Variants in SGCZ observed in about 807,000 individuals in gnomAD.
SGCZ encodes the protein sarcoglycan zeta, also known as zeta-sarcoglycan.
A neutral mutation model predicts 41.3 loss-of-function variants in SGCZ; 40 were observed. The observed-to-expected ratio is 0.97, with a 90% CI of 0.75 to 1.26. The LOEUF is 1.26. SGCZ is among the 50% of genes most tolerant of loss of function. The pLI is 0.00. For synonymous variants in SGCZ, 206 were observed against 137.5 expected, an observed-to-expected ratio of 1.50 and a Z score of -3.49; for missense variants, 552 against 369.8, an observed-to-expected ratio of 1.49 and a Z score of -4.04.
At chr8:14,284,765 T>G (rs1800567393) in intron 3 of SGCZ, among the ~76,000 whole-genome samples, 1 of 152,180 alleles carries the variant, frequency 6.6e-6, no homozygotes, top group Non-Finnish European at 1.5e-5. Context: ...GAGTGCATAT[T>G]TGGTCCTAAG....
At chr8:14,175,064 G>T (rs1158642761) in intron 4 of SGCZ, among the ~76,000 whole-genome samples, 1 of 152,086 alleles carries the variant, frequency 6.6e-6, no homozygotes, top group African/African-American at 2.4e-5. Context: ...GGTACTGAAG[G>T]TTAAGACTTC....
intron 2 of SGCZ, among the ~76,000 whole-genome samples, chr8:14,438,744 T>C (rs760741791): frequency 7.9e-5 from 12 of 152,022 alleles, no homozygotes; most frequent in Non-Finnish European, 1.3e-4. Context: ...ATCTGAGAAA[T>C]AGCTTAAAAT....
chr8:14,581,384 G>C (rs1273101813), intron 1 of SGCZ, among the ~76,000 whole-genome samples: 1 of 152,160 alleles, frequency 6.6e-6, no homozygotes, highest in East Asian at 1.9e-4. Context: ...TGGGAATACA[G>C]GCATGAGCCA....
chr8:14,807,930 A>G (rs1228918239), intron 1 of SGCZ, among the ~76,000 whole-genome samples: 1 of 151,922 alleles, frequency 6.6e-6, no homozygotes, highest in Non-Finnish European at 1.5e-5. Context: ...AACGCCGCAT[A>G]TCTACAACTA....
At chr8:14,929,510 C>T (rs1349194498) in intron 1 of SGCZ, among the ~76,000 whole-genome samples, 5 of 150,950 alleles carry the variant, frequency 3.3e-5, no homozygotes, top group East Asian at 1.9e-4. Flanking sequence ...CTGAGGCTGA[C>T]GCAGCCTAAC....
intron 2 of SGCZ, among the ~76,000 whole-genome samples, chr8:14,398,964 A>AATATTCC (rs1798996023): frequency 6.6e-6 from 1 of 152,092 alleles, no homozygotes; most frequent in East Asian, 1.9e-4. Context: ...AATTTCAACA[A>AATATTCC]GTGTAAATGT....
intron 2 of SGCZ, among the ~76,000 whole-genome samples, chr8:14,547,362 G>C (rs1280804965): frequency 1.3e-5 from 2 of 152,274 alleles, no homozygotes; most frequent in East Asian, 1.9e-4. Context: ...AATCTGCTTA[G>C]TGTCATCAAA....
chr8:14,102,322 T>C, intron 7 of SGCZ, 54 bp downstream of exon 7: 3 of 1,351,982 alleles, frequency 2.2e-6, no homozygotes, highest in Non-Finnish European at 2.9e-6. Context: ...ATCTAAATAC[T>C]TGTGTTTTCA....
At chr8:14,844,130 T>G (rs1176400941) in intron 1 of SGCZ, among the ~76,000 whole-genome samples, 2 of 152,040 alleles carry the variant, frequency 1.3e-5, no homozygotes, top group Admixed American at 1.3e-4. Flanking sequence ...GTACCAAAAT[T>G]CACAAACACT....
Position 14,554,683 on chromosome 8 carries a change from T to C in SGCZ, c.234+49A>G, listed in dbSNP as rs1235387156. 4.7e-6 allele frequency: 7 copies of C among 1,482,298 alleles called. No individual in the cohort carries two copies. In the African/African-American group the frequency reaches 5.6e-5, roughly 12 times the overall value. The allele number at this position is 1,482,298 out of a possible 1,614,324, so 91.8% of individuals were successfully genotyped here. A position where few individuals can be genotyped will look rare whatever the true frequency, so the allele number is the denominator to read the frequency against. ...AAAAAATTAAAGTAACAGAGCTAGA[T>C]TGTCTCTGAACCAAGAGCAATAAGA... is the stretch of plus-strand genomic sequence containing the variant. On this transcript the variant is annotated intron_variant, in intron 2 of 7. Transcript: ENST00000382080.
chr8:14,909,391 G>A (rs1398080310), intron 1 of SGCZ, among the ~76,000 whole-genome samples: 1 of 151,778 alleles, frequency 6.6e-6, no homozygotes, highest in Non-Finnish European at 1.5e-5. Flanking sequence ...AATTAATTTC[G>A]TGTTTTAACG....
intron 7 of SGCZ, among the ~76,000 whole-genome samples, chr8:14,095,598 T>A (rs1480030894): frequency 3.9e-5 from 6 of 152,206 alleles, no homozygotes; most frequent in Admixed American, 3.9e-4. Flanking sequence ...TCTTTTTTGC[T>A]TCCATATGAA....
chr8:14,843,881 A>G (rs140784764), intron 1 of SGCZ, among the ~76,000 whole-genome samples: 37 of 152,104 alleles, frequency 2.4e-4, no homozygotes, highest in African/African-American at 7.0e-4. Flanking sequence ...GTTCAAGAGA[A>G]GGCCACCCAA....
intron 4 of SGCZ, among the ~76,000 whole-genome samples, chr8:14,183,942 C>T (rs1347244718): frequency 6.6e-6 from 1 of 152,020 alleles, no homozygotes; most frequent in African/African-American, 2.4e-5. Flanking sequence ...AAAGAATCCA[C>T]AAAGAAATAC....
chr8:14,085,728 T>A lies in SGCZ; in HGVS notation c.*4715A>T, dbSNP rs1160888798. The stretch of plus-strand genomic sequence containing the variant: ...AATACCAAGGAGTTTGTTATGCATG[T>A]ATAAAAGAAAAGTGGACCACACTAA... On this transcript the variant is annotated 3_prime_UTR_variant, in exon 8 of 8. Transcript: ENST00000382080. Among the ~76,000 whole-genome samples, 1 of 151,774 alleles carries A rather than the reference T, an allele frequency of 6.6e-6. No homozygotes were observed. The highest frequency in any genetic ancestry group is 1.5e-5 in the Non-Finnish European group (1 of 67,792).
intron 2 of SGCZ, among the ~76,000 whole-genome samples, chr8:14,350,565 G>C (rs1803053319): frequency 1.3e-5 from 2 of 152,048 alleles, no homozygotes; most frequent in Non-Finnish European, 2.9e-5. Flanking sequence ...TGTGCACCCA[G>C]TGACCGGTAC....
intron 1 of SGCZ, among the ~76,000 whole-genome samples, chr8:14,659,210 G>A (rs549868802): frequency 1.7e-4 from 26 of 152,216 alleles, no homozygotes; most frequent in Admixed American, 8.5e-4. Flanking sequence ...TAGTAACAAC[G>A]TAGTATATAC....
intron 2 of SGCZ, among the ~76,000 whole-genome samples, chr8:14,411,850 C>T (rs573812733): frequency 1.3e-5 from 2 of 152,146 alleles, no homozygotes; most frequent in Middle Eastern, 3.4e-3. Context: ...AAAAACACTT[C>T]CAAACATTTC....
intron 5 of SGCZ, among the ~76,000 whole-genome samples, chr8:14,126,570 A>T (rs1027879991): frequency 2.0e-5 from 3 of 152,250 alleles, no homozygotes; most frequent in African/African-American, 7.2e-5. Context: ...TGTGGCAGAC[A>T]GTGTAGCATT....
Sources: gnomAD v4.1 joint callset for allele counts (sites outside exome capture counted in the v4.1 genomes callset) on GRCh38, gnomAD v4.1.1 for gene constraint, MANE v1.5 for transcripts, NCBI Gene and HGNC (gene_info 2026-07-23, HGNC 2026-07-21) for gene names.